The following TRIM44 variants were observed in gnomAD, a reference collection of about 807,000 sequenced individuals.
TRIM44 encodes the protein tripartite motif-containing protein 44.
In TRIM44, 13 loss-of-function variants were observed where a neutral mutation model predicts 37.4. The ratio of observed to expected loss-of-function variants is 0.35; its 90% CI spans 0.23 to 0.55. The LOEUF (loss-of-function observed/expected upper bound fraction) is 0.55, where lower values mean the gene tolerates loss of function less well. Ranked by LOEUF, TRIM44 falls within the 20% of genes least tolerant of loss-of-function variation. TRIM44 has a pLI of 0.89. For missense variants in TRIM44, 426 were observed against 437.2 expected (o/e 0.97, Z 0.23); for synonymous variants, 175 against 157.2 (o/e 1.11, Z -0.85).
chr11:35,742,460 TACA>T (rs1204384574), intron 4 of TRIM44, among the ~76,000 whole-genome samples: 1 of 136,518 alleles, frequency 7.3e-6, no homozygotes, highest in African/African-American at 2.8e-5. Flanking sequence ...TTATATTAAT[TACA>T]ATTAATATAA....
intron 2 of TRIM44, among the ~76,000 whole-genome samples, chr11:35,703,512 C>A (rs1346119917): frequency 6.6e-6 from 1 of 152,204 alleles, no homozygotes; most frequent in Admixed American, 6.5e-5. Flanking sequence ...AGGCACCCCC[C>A]AGTAGGGGTA....
intron 4 of TRIM44, among the ~76,000 whole-genome samples, chr11:35,775,159 T>C (rs1852938714): frequency 6.6e-6 from 1 of 152,216 alleles, no homozygotes; most frequent in African/African-American, 2.4e-5. Context: ...CAGTGGTTTG[T>C]AGTTCTCCTT....
chr11:35,770,325 A>G (rs143869552), intron 4 of TRIM44, among the ~76,000 whole-genome samples: 1 of 152,314 alleles, frequency 6.6e-6, no homozygotes, highest in Non-Finnish European at 1.5e-5. Flanking sequence ...CACAAGGTTG[A>G]TTCCATGTCT....
At chr11:35,799,662 T>C (rs1853340185) in intron 4 of TRIM44, among the ~76,000 whole-genome samples, 1 of 152,226 alleles carries the variant, frequency 6.6e-6, no homozygotes, top group Non-Finnish European at 1.5e-5. Context: ...TTACAAGTCG[T>C]GTACCTTAAG....
chr11:35,664,420 C>G (rs511160), intron 1 of TRIM44, among the ~76,000 whole-genome samples: 2 of 152,052 alleles, frequency 1.3e-5, no homozygotes, highest in African/African-American at 4.8e-5. Flanking sequence ...GTGGACACTT[C>G]GGAAATATTT....
chr11:35,801,433 C>G (rs1853368122), intron 4 of TRIM44, among the ~76,000 whole-genome samples: 1 of 152,134 alleles, frequency 6.6e-6, no homozygotes, highest in African/African-American at 2.4e-5. Context: ...TTAAGTTGTA[C>G]TATATGCTTA....
intron 4 of TRIM44, among the ~76,000 whole-genome samples, chr11:35,759,063 G>T (rs3118075): frequency 0.025 from 3,876 of 152,266 alleles, 125 homozygotes; most frequent in African/African-American, 0.072. Flanking sequence ...CTAGATTGGG[G>T]AAGTTCTCCT....
chr11:35,779,670 C>A (rs1853033615), intron 4 of TRIM44, among the ~76,000 whole-genome samples: 1 of 151,906 alleles, frequency 6.6e-6, no homozygotes, highest in Non-Finnish European at 1.5e-5. Context: ...GTCATTAATT[C>A]TTTGCCAAGA....
intron 1 of TRIM44, among the ~76,000 whole-genome samples, chr11:35,668,164 TG>T (rs532567738): frequency 2.0e-5 from 3 of 152,220 alleles, no homozygotes; most frequent in Non-Finnish European, 4.4e-5. Context: ...TTTTGTTTTT[TG>T]GTTTTACATT....
At chr11:35,771,884 TTAATCCCCAGGACAATGGGGAAAA>T (rs1852877753) in intron 4 of TRIM44, among the ~76,000 whole-genome samples, 1 of 152,152 alleles carries the variant, frequency 6.6e-6, no homozygotes. Flanking sequence ...GAGCCGAATG[TTAATCCCCAGGACAATGGGGAAAA>T]TATCTCCAAG....
chr11:35,677,837 A>T (rs1369872148), intron 1 of TRIM44, among the ~76,000 whole-genome samples: 1 of 152,198 alleles, frequency 6.6e-6, no homozygotes, highest in Admixed American at 6.5e-5. Context: ...TTAAATAATG[A>T]TAAGTACTGT....
chr11:35,731,788 C>T (rs1852263911), intron 3 of TRIM44, among the ~76,000 whole-genome samples: 2 of 152,014 alleles, frequency 1.3e-5, no homozygotes, highest in African/African-American at 4.8e-5. Flanking sequence ...AAAGTATGTT[C>T]AGATGGGTAA....
chr11:35,669,455 C>CCTTT (rs1554924197), intron 1 of TRIM44, among the ~76,000 whole-genome samples: 5 of 140,622 alleles, frequency 3.6e-5, no homozygotes, highest in Admixed American at 1.6e-4. Flanking sequence ...GAAAGGATCC[C>CCTTT]CTTTATTTAT....
chr11:35,709,217 G>C (rs1352183873), intron 2 of TRIM44, among the ~76,000 whole-genome samples: 1 of 152,102 alleles, frequency 6.6e-6, no homozygotes, highest in Admixed American at 6.5e-5. Flanking sequence ...ACATTCTACT[G>C]TAAGTTACCT....
chr11:35,663,523 G>A lies in TRIM44; in HGVS notation c.412G>A (p.Glu138Lys), dbSNP rs780238941. 1.2e-6 allele frequency: 2 copies of A among 1,603,220 alleles called. No homozygotes were observed. Among genetic ancestry groups the A allele is most frequent in the Non-Finnish European group, 1.7e-6 (2 of 1,174,344 alleles). The change falls in exon 1 of 5, where the codon GAA becomes AAA. Residue 138 changes from glutamate to lysine, a missense_variant. By Grantham distance (56) the Glu-to-Lys change is moderately conservative. Around this residue, in one of 2 missense-constraint regions of TRIM44, gnomAD observed 331 missense variants for 303.0 expected, o/e 1.09. Transcript: ENST00000299413. ...CGAGGAAGAAATGGAGGATGAGCAA[G>A]AAAGCGAGGCCGAAGAAGACAACCA... The part of the protein sequence containing the change: ...DSEEEMEDEQ[E>K]SEAEEDNQEE...
intron 4 of TRIM44, among the ~76,000 whole-genome samples, chr11:35,790,180 C>A (rs1853188199): frequency 6.6e-6 from 1 of 152,174 alleles, no homozygotes; most frequent in South Asian, 2.1e-4. Flanking sequence ...CTGGCTCATC[C>A]AGAAACTCTT....
intron 2 of TRIM44, 66 bp downstream of exon 2, chr11:35,685,402 T>C: frequency 7.5e-7 from 1 of 1,340,346 alleles, no homozygotes; most frequent in Non-Finnish European, 1.1e-6. Context: ...TGAGCTAAAA[T>C]TGTGAGGTGT....
rs919319576 is a variant in TRIM44 at position 35,688,544 on chromosome 11, T to G, written c.747+3208T>G. ...CCTTTTCAAAATTCTTTTACAAAATTATACCCATGGTTTTACAATTGCTTT... is the reference window on the plus strand; with the variant it reads ...CCTTTTCAAAATTCTTTTACAAAATGATACCCATGGTTTTACAATTGCTTT... On this transcript the variant is annotated intron_variant, in intron 2 of 4. Coordinates refer to ENST00000299413, the MANE Select transcript of TRIM44 (RefSeq NM_017583.6). Among the ~76,000 whole-genome samples, 3 of 152,352 alleles carry G rather than the reference T, an allele frequency of 2.0e-5. No individual in the cohort carries two copies. In the East Asian group the frequency reaches 5.8e-4, roughly 29 times the overall value.
intron 2 of TRIM44, among the ~76,000 whole-genome samples, chr11:35,711,400 C>T (rs1851970259): frequency 2.0e-5 from 3 of 151,776 alleles, no homozygotes. Context: ...CAGGAATTGC[C>T]CTATCAGCTC....
Sources: gnomAD v4.1 joint callset for allele counts (sites outside exome capture counted in the v4.1 genomes callset) on GRCh38, gnomAD v4.1.1 for gene constraint, gnomAD v4.1.1 regional missense constraint, MANE v1.5 for transcripts, NCBI Gene and HGNC (gene_info 2026-07-23, HGNC 2026-07-21) for gene names.